SDAD1: variants seen among roughly 807,000 people sequenced by gnomAD.
SDAD1 encodes SDA1 domain containing 1, also known as protein SDA1 homolog.
In SDAD1, 79 loss-of-function variants were observed where a neutral mutation model predicts 100.3. The observed-to-expected ratio is 0.79, with a 90% CI of 0.66 to 0.95. The LOEUF is 0.95. Among genes scored for constraint, SDAD1 ranks in the 40% least tolerant of loss-of-function variants. SDAD1 has a pLI of 0.00. For missense variants in SDAD1, 790 were observed against 810.9 expected (o/e 0.97, Z 0.31); for synonymous variants, 267 against 271.4 (o/e 0.98, Z 0.16).
At chr4:75,969,258 T>G in intron 11 of SDAD1, 38 bp downstream of exon 11, 1 of 1,515,144 alleles carries the variant, frequency 6.6e-7, no homozygotes, top group Non-Finnish European at 9.1e-7. Flanking sequence ...AAATTCTACT[T>G]CAAATATTCA....
At chr4:75,959,544 C>T (rs1341136323) in intron 17 of SDAD1, among the ~76,000 whole-genome samples, 1 of 151,674 alleles carries the variant, frequency 6.6e-6, no homozygotes, top group Non-Finnish European at 1.5e-5. Context: ...ATGGAGGTTG[C>T]AGTGAGCTGA....
At chr4:75,955,426 C>T (rs888429414) in intron 21 of SDAD1, among the ~76,000 whole-genome samples, 2 of 152,072 alleles carry the variant, frequency 1.3e-5, no homozygotes, top group African/African-American at 2.4e-5. Flanking sequence ...AAAGAAAGAG[C>T]CCCGTTGCAT....
At position 75,990,865 on chromosome 4, in the gene SDAD1, G is replaced by C; in HGVS notation, c.-24C>G. 6.2e-7 allele frequency: 1 copy of C among 1,614,000 alleles called. No individual in the cohort carries two copies. Among genetic ancestry groups the C allele is most frequent in the Non-Finnish European group, 8.5e-7 (1 of 1,180,012 alleles). On this transcript the variant is annotated 5_prime_UTR_variant, in exon 1 of 22. Coordinates refer to ENST00000356260, the MANE Select transcript of SDAD1 (RefSeq NM_018115.4). ...ATTTTGGCTGCAGACAGACTTCGCG[G>C]CGAGCAGTTTTAAAAAAACTCAGAC...
At chr4:75,966,455 A>G (rs190298574) in intron 12 of SDAD1, among the ~76,000 whole-genome samples, 83 of 152,240 alleles carry the variant, frequency 5.5e-4, no homozygotes, top group Admixed American at 1.6e-3. Flanking sequence ...TCACAAGATT[A>G]ATGTGAGGAT....
chr4:75,960,689 T>C (rs1729180883), intron 16 of SDAD1, among the ~76,000 whole-genome samples: 2 of 152,186 alleles, frequency 1.3e-5, no homozygotes, highest in African/African-American at 4.8e-5. Flanking sequence ...CCTTCCAACT[T>C]GAAAGAGGTA....
intron 8 of SDAD1, among the ~76,000 whole-genome samples, chr4:75,972,069 G>A (rs756560012): frequency 6.7e-4 from 101 of 151,470 alleles, no homozygotes; most frequent in Non-Finnish European, 1.3e-3. Flanking sequence ...CTCCCAAGTA[G>A]CTGGGATTAC....
chr4:75,957,347 T>G lies in SDAD1; in HGVS notation c.1832A>C (p.Glu611Ala). Residue 611 changes from glutamate (E) to alanine (A), a missense_variant, in exon 20 of 22, where the codon GAG becomes GCG. By Grantham distance (107) the Glu-to-Ala change is moderately radical. Coordinates refer to ENST00000356260, the MANE Select transcript of SDAD1 (RefSeq NM_018115.4). ...CACCATTGCAGTTGCTAGTCTTGTCTCTTTGTCAGACTTTGGCTTTTTATG... is the reference window on the plus strand; with the variant it reads ...CACCATTGCAGTTGCTAGTCTTGTCGCTTTGTCAGACTTTGGCTTTTTATG... Reference protein sequence around the residue: ...RLHKKPKSDKETRLATAMAGK... With the variant: ...RLHKKPKSDKATRLATAMAGK... 6.2e-7 allele frequency: 1 copy of G among 1,614,198 alleles called. No individual in the cohort carries two copies. The highest frequency in any genetic ancestry group is 8.5e-7 in the Non-Finnish European group (1 of 1,180,012).
At chr4:75,952,073 A>G (rs1408336320) in intron 21 of SDAD1, among the ~76,000 whole-genome samples, 1 of 152,332 alleles carries the variant, frequency 6.6e-6, no homozygotes, top group South Asian at 2.1e-4. Context: ...GCAGAAAAGC[A>G]GAAGAGCTGG....
At chr4:75,958,791 A>C (rs1729050339) in intron 17 of SDAD1, among the ~76,000 whole-genome samples, 1 of 149,930 alleles carries the variant, frequency 6.7e-6, no homozygotes, top group African/African-American at 2.5e-5. Flanking sequence ...ATCTCTCCAA[A>C]GCCCTTTAAA....
At chr4:75,988,304 T>G (rs1346395687) in intron 1 of SDAD1, among the ~76,000 whole-genome samples, 1 of 152,036 alleles carries the variant, frequency 6.6e-6, no homozygotes, top group African/African-American at 2.4e-5. Context: ...CTTTCCTCAT[T>G]CCCTATTTGG....
At chr4:75,963,429 G>C (rs553933097) in intron 14 of SDAD1, among the ~76,000 whole-genome samples, 1 of 151,634 alleles carries the variant, frequency 6.6e-6, no homozygotes, top group East Asian at 1.9e-4. Context: ...TGTGAAGAAA[G>C]CCACTGGTAG....
intron 17 of SDAD1, among the ~76,000 whole-genome samples, chr4:75,958,537 A>C (rs563143166): frequency 6.6e-6 from 1 of 152,278 alleles, no homozygotes; most frequent in East Asian, 1.9e-4. Context: ...CAGACACTGC[A>C]ATCTTTCCAT....
intron 3 of SDAD1, 46 bp downstream of exon 3, chr4:75,981,326 C>A: frequency 6.4e-7 from 1 of 1,551,304 alleles, no homozygotes; most frequent in Non-Finnish European, 8.9e-7. Context: ...ATGAACGCAG[C>A]ACACATGAAC....
chr4:75,961,307 T>C lies in SDAD1; in HGVS notation c.1183A>G (p.Ile395Val). Residue 395 changes from isoleucine to valine, a missense_variant and splice_region_variant, in exon 15 of 22, where the codon ATC (isoleucine) becomes GTC (valine). By Grantham distance (29) the Ile-to-Val change is conservative. Transcript: ENST00000356260. Reference sequence around the variant, plus strand: ...GCTGTTATCTCCTTTATAGCATTGATTCTAGAAAAAGAAAAACAAAGTTTA... The same window carrying C: ...GCTGTTATCTCCTTTATAGCATTGACTCTAGAAAAAGAAAAACAAAGTTTA... ...KNSGEVMTVG[I>V]NAIKEITARC... 6 of 1,609,780 alleles carry C rather than the reference T, an allele frequency of 3.7e-6. No individual in the cohort carries two copies. Among genetic ancestry groups the C allele is most frequent in the Non-Finnish European group, 4.2e-6 (5 of 1,177,916 alleles).
At chr4:75,972,080 A>T (rs1040721800) in intron 8 of SDAD1, among the ~76,000 whole-genome samples, 1 of 151,908 alleles carries the variant, frequency 6.6e-6, no homozygotes, top group African/African-American at 2.4e-5. Context: ...CTGGGATTAC[A>T]GGCACACGCC....
chr4:75,981,269 G>A, intron 3 of SDAD1, 103 bp downstream of exon 3: 1 of 1,045,522 alleles, frequency 9.6e-7, no homozygotes, highest in Non-Finnish European at 1.4e-6. Flanking sequence ...TATAATTTAC[G>A]TTTTCTGAAG....
At chr4:75,971,266 C>T (rs1729849665) in intron 9 of SDAD1, 91 bp downstream of exon 9, 3 of 840,382 alleles carry the variant, frequency 3.6e-6, no homozygotes, top group Admixed American at 2.3e-5. Context: ...GAAAATGGTA[C>T]TCTGATTTTA....
In SDAD1 at chr4:75,957,827, G is replaced by A; in HGVS notation, c.1578+20C>T. Reference sequence around the variant, plus strand: ...CGTCTTAATAAACACCAGGTTATAAGATGAAATTTTCAGACTTACGATTTC... The same window carrying A: ...CGTCTTAATAAACACCAGGTTATAAAATGAAATTTTCAGACTTACGATTTC... On this transcript the variant is annotated intron_variant, in intron 18 of 21. Transcript: ENST00000356260. 6.2e-7 allele frequency: 1 copy of A among 1,613,626 alleles called. No homozygotes were observed. Among genetic ancestry groups the A allele is most frequent in the South Asian group, 1.1e-5 (1 of 91,062 alleles).
At chr4:75,970,108 T>C (rs1729780609) in intron 10 of SDAD1, among the ~76,000 whole-genome samples, 1 of 152,136 alleles carries the variant, frequency 6.6e-6, no homozygotes, top group Non-Finnish European at 1.5e-5. Flanking sequence ...CGTTTTTCCA[T>C]ATTTTTCTTG....
Sources: allele counts gnomAD v4.1 joint callset (sites outside exome capture counted in the v4.1 genomes callset), GRCh38; gene constraint gnomAD v4.1.1; transcripts MANE v1.5; gene names NCBI Gene and HGNC (gene_info 2026-07-23, HGNC 2026-07-21).